Variants in REPS2 observed in about 807,000 individuals in gnomAD.
REPS2 encodes RALBP1 associated Eps domain containing 2.
REPS2 carries 23 observed loss-of-function variants against 53.6 expected under a neutral mutation model. That is an observed-to-expected ratio of 0.43 (90% CI 0.31 to 0.61). REPS2 has a LOEUF of 0.61. REPS2 is among the 20% of genes least tolerant of loss of function. REPS2 has a pLI of 0.11. For missense variants in REPS2, 446 were observed against 534.9 expected (o/e 0.83, Z 1.64); for synonymous variants, 238 against 218.6 (o/e 1.09, Z -0.78).
chrX:16,946,706 C>G lies in REPS2; in HGVS notation c.-156C>G. 3.3e-6 allele frequency: 2 copies of G among 597,208 alleles called. No individual in the cohort carries two copies. Among genetic ancestry groups the G allele is most frequent in the Non-Finnish European group, 4.0e-6 (2 of 501,235 alleles). 49.2% of individuals were successfully genotyped at this position (597,208 alleles called of 1,213,427 possible). On this transcript the variant is annotated 5_prime_UTR_variant, in exon 1 of 18. Transcript: ENST00000357277. Reference sequence around the variant, plus strand: ...CCGGCGCGCGCCGGGAGGAAGCGGCCGCGCGGCAGCTGCGGGGCGTGGGGG... The same window carrying G: ...CCGGCGCGCGCCGGGAGGAAGCGGCGGCGCGGCAGCTGCGGGGCGTGGGGG...
intron 13 of REPS2, among the ~76,000 whole-genome samples, chrX:17,088,077 TTCTC>T (rs1187665040): frequency 9.0e-6 from 1 of 110,913 alleles, no homozygotes; most frequent in African/African-American, 3.3e-5. Flanking sequence ...CACATTTGTA[TTCTC>T]TCTCTCTCCC....
chrX:17,066,896 A>C (rs111667872), intron 9 of REPS2, among the ~76,000 whole-genome samples: 114 of 112,140 alleles, frequency 1.0e-3, no homozygotes, highest in African/African-American at 3.6e-3. Context: ...ACCTGAGTGA[A>C]GACTGTTAAA....
intron 8 of REPS2, among the ~76,000 whole-genome samples, chrX:17,059,285 A>G (rs1602861013): frequency 1.0e-5 from 1 of 100,437 alleles, no homozygotes; most frequent in South Asian, 4.6e-4. Context: ...GCTGGACAAC[A>G]CGCCCGGCCT....
intron 8 of REPS2, among the ~76,000 whole-genome samples, chrX:17,058,012 C>T (rs887452522): frequency 2.7e-5 from 3 of 112,503 alleles, no homozygotes; most frequent in African/African-American, 9.7e-5. Flanking sequence ...CCCATACCCA[C>T]ACTGAGTTTT....
In REPS2 at chrX:16,966,124, G is replaced by GGGGAGAGGGAGAGGGAGA. The variant is rs1555909186; in HGVS notation, c.273+19005_273+19006insAGAGGGAGAGGGAGAGGG. On this transcript the variant is annotated intron_variant, in intron 1 of 17. Coordinates refer to ENST00000357277, the MANE Select transcript of REPS2 (RefSeq NM_004726.3). ...GGAAAGAGAGGGAGAGGGAGACCGT[G>GGGGAGAGGGAGAGGGAGA]GGGAGAGGGAGAGGGCTGGGCAATT... Among the ~76,000 whole-genome samples the GGGGAGAGGGAGAGGGAGA allele has an allele frequency of 4.8e-3, 541 of 111,927 alleles. 5 individuals are homozygous for GGGGAGAGGGAGAGGGAGA. Among genetic ancestry groups the GGGGAGAGGGAGAGGGAGA allele is most frequent in the African/African-American group, 0.017 (520 of 30,786 alleles).
chrX:17,088,861 G>A (rs896870397), intron 13 of REPS2, among the ~76,000 whole-genome samples: 1 of 111,212 alleles, frequency 9.0e-6, no homozygotes, highest in African/African-American at 3.3e-5. Context: ...TGGATTACAG[G>A]TGTGAGCCAC....
intron 1 of REPS2, among the ~76,000 whole-genome samples, chrX:16,996,440 G>A (rs1052493378): frequency 8.9e-6 from 1 of 111,795 alleles, no homozygotes; most frequent in Non-Finnish European, 1.9e-5. Context: ...GAACAGGGTA[G>A]AAAGGCCCTT....
chrX:17,077,339 G>T lies in REPS2; in HGVS notation c.1448G>T (p.Arg483Leu). The T allele has an allele frequency of 8.3e-7, 1 of 1,210,239 alleles. No homozygotes were observed. Among genetic ancestry groups the T allele is most frequent in the Non-Finnish European group, 1.1e-6 (1 of 894,695 alleles). Residue 483 changes from arginine to leucine, a missense_variant, in exon 13 of 18, where the codon CGG (arginine) becomes CTG (leucine). Arg to Leu is a moderately radical substitution (Grantham distance 102). Transcript: ENST00000357277. ...GAGGACCCTCCCACCCCGCCACCTC[G>T]GCCACAGAAAACCCATTCCAGAGCC... ...RGEDPPTPPP[R>L]PQKTHSRASS...
chrX:17,055,525 T>G (rs1391928973), intron 8 of REPS2, among the ~76,000 whole-genome samples: 1 of 73,217 alleles, frequency 1.4e-5, no homozygotes, highest in Non-Finnish European at 2.5e-5. Context: ...AATTGATTTT[T>G]GTATAAGGTG....
At chrX:16,967,509 C>T (rs1469457844) in intron 1 of REPS2, among the ~76,000 whole-genome samples, 1 of 110,335 alleles carries the variant, frequency 9.1e-6, no homozygotes, top group African/African-American at 3.3e-5. Context: ...CCTAGCTCTG[C>T]AAAAATTAGC....
rs1287291865 is a variant in REPS2, at chrX:17,133,982, CTA to C, written c.1662+77_1662+78del. The C allele has an allele frequency of 8.1e-6, 6 of 742,344 alleles. No homozygotes were observed. In the South Asian group the frequency reaches 8.8e-5, roughly 11 times the overall value. The allele number at this position is 742,344 out of a possible 1,213,427, so 61.2% of individuals were successfully genotyped here. On this transcript the variant is annotated intron_variant, in intron 15 of 17. Transcript: ENST00000357277. ...GGGCTTCTTATCTCTATTAGCTGAT[CTA>C]TTGTTTTAAGGTTTCTGTGTCCTGA...
chrX:17,001,022 C>A (rs888205412), intron 1 of REPS2, among the ~76,000 whole-genome samples: 1 of 111,715 alleles, frequency 9.0e-6, no homozygotes, highest in African/African-American at 3.3e-5. Flanking sequence ...TTGAACATAT[C>A]ACTTAACTTT....
chrX:17,107,022 A>G (rs2062883693), intron 14 of REPS2, among the ~76,000 whole-genome samples: 1 of 112,130 alleles, frequency 8.9e-6, no homozygotes, highest in African/African-American at 3.2e-5. Context: ...GACAAACCTG[A>G]CAAAAACAAG....
chrX:17,024,413 G>A (rs2061614942), intron 3 of REPS2, among the ~76,000 whole-genome samples: 1 of 93,339 alleles, frequency 1.1e-5, no homozygotes, highest in Non-Finnish European at 2.1e-5. Context: ...CAGCAGATAA[G>A]GTTGCTTACT....
chrX:17,091,429 C>T (rs1025760746), intron 13 of REPS2, among the ~76,000 whole-genome samples: 1 of 111,502 alleles, frequency 9.0e-6, no homozygotes, highest in Non-Finnish European at 1.9e-5. Context: ...GATTACTGCT[C>T]GATAGTAGCC....
chrX:17,179,074 A>G, the REPS2 span, among the ~76,000 whole-genome samples: 2 of 111,486 alleles, frequency 1.8e-5, no homozygotes, highest in African/African-American at 6.5e-5. Flanking sequence ...AAAACAGACC[A>G]GCTTTTTAAT....
intron 13 of REPS2, among the ~76,000 whole-genome samples, chrX:17,082,995 C>T (rs1279675760): frequency 2.7e-5 from 3 of 110,580 alleles, no homozygotes; most frequent in Non-Finnish European, 3.8e-5. Flanking sequence ...ATCTTCCCTA[C>T]GATTCTGTAT....
At chrX:17,111,030 G>A (rs1441232948) in intron 14 of REPS2, among the ~76,000 whole-genome samples, 2 of 111,561 alleles carry the variant, frequency 1.8e-5, no homozygotes, top group Non-Finnish European at 3.8e-5. Flanking sequence ...AACAACAGAA[G>A]TTTTGGGTTT....
chrX:17,007,881 G>A (rs1315050464), intron 2 of REPS2, among the ~76,000 whole-genome samples: 1 of 112,258 alleles, frequency 8.9e-6, no homozygotes, highest in Non-Finnish European at 1.9e-5. Context: ...CTTTAGGGAG[G>A]TTGAGTAACT....
Sources: allele counts gnomAD v4.1 joint callset (sites outside exome capture counted in the v4.1 genomes callset), GRCh38; gene constraint gnomAD v4.1.1; transcripts MANE v1.5; gene names NCBI Gene and HGNC (gene_info 2026-07-23, HGNC 2026-07-21).